ZAN: variants seen among roughly 807,000 people sequenced by gnomAD.
ZAN encodes zonadhesin, also known as zonadhesin (gene/pseudogene).
Under a neutral mutation model 286.2 loss-of-function variants are expected in ZAN, and 260 were observed. That is an observed-to-expected ratio of 0.91 (90% CI 0.82 to 1.01). The LOEUF is 1.01. Ranked by LOEUF, ZAN falls within the 50% of genes least tolerant of loss-of-function variation. The pLI is 0.00. For synonymous variants in ZAN, 1,368 were observed against 1,417.5 expected, an observed-to-expected ratio of 0.97 and a Z score of 0.79; for missense variants, 3,410 against 3,639.2, an observed-to-expected ratio of 0.94 and a Z score of 1.62.
At chr7:100,785,055 G>A (rs975771653) in intron 36 of ZAN, among the ~76,000 whole-genome samples, 6 of 152,076 alleles carry the variant, frequency 3.9e-5, no homozygotes, top group African/African-American at 7.2e-5. Context: ...ACATGGCATG[G>A]TATAGTGGAA....
intron 1 of ZAN, among the ~76,000 whole-genome samples, 163 bp downstream of exon 1, chr7:100,733,811 T>C (rs1289094721): frequency 1.4e-5 from 2 of 141,730 alleles, no homozygotes; most frequent in East Asian, 4.0e-4. Flanking sequence ...TTCTTGTGCG[T>C]TTTTCTTTTT....
Position 100,758,274 on chromosome 7 carries a change from C to CA in ZAN, c.3383dup (p.Ile1129AspfsTer13). ...CTGGCCCGGCAGTCGGGTCGAGTGC[C>CA]AGATCTCTCAGTGTGGGACACACAC... On this transcript the variant is annotated frameshift_variant, in exon 16 of 48. Coordinates refer to ENST00000613979, the MANE Select transcript of ZAN (RefSeq NM_003386.3). LOFTEE classifies it high-confidence loss of function. 6.2e-7 allele frequency: 1 copy of CA among 1,613,394 alleles called. No individual in the cohort carries two copies. The highest frequency in any genetic ancestry group is 8.5e-7 in the Non-Finnish European group (1 of 1,179,886).
intron 24 of ZAN, 58 bp from the exon 25 acceptor site, chr7:100,766,952 G>A: frequency 1.9e-6 from 3 of 1,598,468 alleles, no homozygotes; most frequent in Non-Finnish European, 2.6e-6. Context: ...GCAGCTCTGA[G>A]TCAAAGCTTC....
In ZAN at chr7:100,773,859, G is replaced by A. The variant is rs748119246; in HGVS notation, c.5773G>A (p.Ala1925Thr). ...WALDGLLHCRASGVGVCQLPG... is the reference protein window; with the variant it reads ...WALDGLLHCRTSGVGVCQLPG... ...CCTGGATGGGCTGCTCCATTGTCGG[G>A]CCTCAGGTAGGAGGACCACGGTGAT... The change falls in exon 31 of 48, where the codon GCC becomes ACC. Residue 1925 changes from alanine to threonine, a missense_variant. This residue lies in a region of ZAN where 1,289 missense variants were observed against 1,314.3 expected (regional missense o/e 0.98). Transcript: ENST00000613979. The A allele has an allele frequency of 6.4e-6, 10 of 1,561,888 alleles. No individual in the cohort carries two copies. Among genetic ancestry groups the A allele is most frequent in the Non-Finnish European group, 8.7e-6 (10 of 1,145,472 alleles).
chr7:100,766,351 C>T (rs531185068), intron 23 of ZAN, among the ~76,000 whole-genome samples, 174 bp from the exon 24 acceptor site: 6 of 152,260 alleles, frequency 3.9e-5, no homozygotes, highest in South Asian at 2.1e-4. Context: ...ACTGAAAAAA[C>T]GAATGGATGC....
rs193116345 is a variant in ZAN, at chr7:100,768,429, G to A, written c.5042-181G>A. Among the ~76,000 whole-genome samples, 23 of 152,192 alleles carry A rather than the reference G, an allele frequency of 1.5e-4. No homozygotes were observed. In the East Asian group the frequency reaches 2.5e-3, roughly 17 times the overall value. ...GGACGTTGCAGTGAGCTGAGATCGC[G>A]CCACTGCACTCCAGCCTGGGTGTCA... On this transcript the variant is annotated intron_variant, in intron 26 of 47. Coordinates refer to ENST00000613979, the MANE Select transcript of ZAN (RefSeq NM_003386.3).
chr7:100,765,317 C>A (rs764127290), intron 22 of ZAN, 35 bp from the exon 23 acceptor site: 3 of 1,605,354 alleles, frequency 1.9e-6, no homozygotes, highest in Non-Finnish European at 2.6e-6. Context: ...GTGGCTTGTT[C>A]GTCTCCTTCT....
rs1218324641 is a variant in ZAN, at chr7:100,748,196, C to A, written c.1083C>A (p.Thr361=). 1 of 1,613,896 alleles carries A rather than the reference C, an allele frequency of 6.2e-7. No homozygotes were observed. The highest frequency in any genetic ancestry group is 1.7e-5 in the Admixed American group (1 of 59,986). Residue 361 remains threonine (T), a synonymous_variant, in exon 10 of 48, where the codon ACC becomes ACA. Transcript: ENST00000613979. ...AGCCAGCTGTGGCAGTTGATGCAAC[C>A]AGCATTGCTCCTTGTGGGGGTGAGA... ...TPEPAVAVDA[T]SIAPCGEGFP... is the part of the protein sequence containing the mutation.
At position 100,793,971 on chromosome 7, in the gene ZAN, C is replaced by G; in HGVS notation, c.7939C>G (p.Pro2647Ala). Reference protein sequence around the residue: ...PRLCLQWHPEPPLADCGCTSN... With the variant: ...PRLCLQWHPEAPLADCGCTSN... ...GCTATGCCTACAGTGGCACCCAGAG[C>G]CTCCCCTGGCTGACTGTGGCTGCAC... The change falls in exon 43 of 48, where the codon CCT (proline) becomes GCT (alanine). Residue 2647 changes from proline (P) to alanine (A), a missense_variant. Physicochemically the swap from Pro to Ala is conservative, Grantham distance 27. Coordinates refer to ENST00000613979, the MANE Select transcript of ZAN (RefSeq NM_003386.3). 1 of 1,613,798 alleles carries G rather than the reference C, an allele frequency of 6.2e-7. No individual in the cohort carries two copies. Among genetic ancestry groups the G allele is most frequent in the Non-Finnish European group, 8.5e-7 (1 of 1,179,868 alleles).
intron 19 of ZAN, among the ~76,000 whole-genome samples, chr7:100,761,300 T>C (rs921651606): frequency 6.6e-6 from 1 of 152,106 alleles, no homozygotes; most frequent in African/African-American, 2.4e-5. Flanking sequence ...GGCCAGGAAT[T>C]CCAGACCAGC....
Position 100,763,793 on chromosome 7 carries a change from G to C in ZAN, c.3987-13G>C, listed in dbSNP as rs377438129. 3.1e-6 allele frequency: 5 copies of C among 1,612,378 alleles called. No homozygotes were observed. In the African/African-American group the frequency reaches 5.3e-5, roughly 17 times the overall value. On this transcript the variant is annotated splice_polypyrimidine_tract_variant and intron_variant, in intron 20 of 47. Coordinates refer to ENST00000613979, the MANE Select transcript of ZAN (RefSeq NM_003386.3). The surrounding 1 kb of genome is among the most constrained non-coding windows in gnomAD (Gnocchi z 4.6). ...GCTTTGTCTTTAGGGAGTTTGGGGT[G>C]GGTCTCTTGCAGGTGTCAGAAGTAC...
At chr7:100,749,675 T>TAC (rs1289308039) in intron 11 of ZAN, among the ~76,000 whole-genome samples, 1,959 of 130,310 alleles carry the variant, frequency 0.015, 30 homozygotes, top group East Asian at 0.031. Context: ...TATATATATA[T>TAC]ACACACACAC....
chr7:100,767,450 G>A (rs1810065549), intron 25 of ZAN, among the ~76,000 whole-genome samples, 193 bp downstream of exon 25: 1 of 139,928 alleles, frequency 7.1e-6, no homozygotes, highest in Admixed American at 7.4e-5. Context: ...AGCCCCTCCT[G>A]CTCCCAGTTT....
In ZAN at chr7:100,766,575, A is replaced by G; in HGVS notation, c.4521A>G (p.Glu1507=). 6.4e-7 allele frequency: 1 copy of G among 1,552,352 alleles called. No homozygotes were observed. Among genetic ancestry groups the G allele is most frequent in the Non-Finnish European group, 8.7e-7 (1 of 1,147,358 alleles). ...GCTGCAAAGAGTTGTGCGTCTGTGAAAGCAACAACAGAATTCGCTGCCAGC... is the reference window on the plus strand; with the variant it reads ...GCTGCAAAGAGTTGTGCGTCTGTGAGAGCAACAACAGAATTCGCTGCCAGC... ...KPGCKELCVC[E]SNNRIRCQPW... is the part of the protein sequence containing the mutation. The change falls in exon 24 of 48, where the codon GAA becomes GAG. Residue 1507 remains glutamate, a synonymous_variant. Transcript: ENST00000613979.
At chr7:100,789,880 G>C (rs1811822607) in intron 39 of ZAN, among the ~76,000 whole-genome samples, 1 of 152,124 alleles carries the variant, frequency 6.6e-6, no homozygotes, top group Non-Finnish European at 1.5e-5. Context: ...GGGAGGCGGA[G>C]GTTGCAGTGA....
At chr7:100,748,973 T>C (rs1438890576) in intron 11 of ZAN, among the ~76,000 whole-genome samples, 1 of 152,114 alleles carries the variant, frequency 6.6e-6, no homozygotes, top group Non-Finnish European at 1.5e-5. Flanking sequence ...AAGTCAAGGC[T>C]GCAGTGAGCT....
rs974439732 is a variant in ZAN at position 100,767,015 on chromosome 7, G to A, written c.4618G>A (p.Ala1540Thr). The change falls in exon 25 of 48, where the codon GCC (alanine) becomes ACC (threonine). Residue 1540 changes from alanine to threonine, a missense_variant. Coordinates refer to ENST00000613979, the MANE Select transcript of ZAN (RefSeq NM_003386.3). ...CTCCATCTTCTTCTCCACAGGTGCC[G>A]CCACCTGCACAGCCTCGGGTGACCC... ...GIYGCHAQGA[A>T]TCTASGDPHY... 33 of 1,613,580 alleles carry A rather than the reference G, an allele frequency of 2.0e-5. No individual in the cohort carries two copies. The highest frequency in any genetic ancestry group is 1.1e-4 in the East Asian group (5 of 44,888).
chr7:100,776,888 GCGCCCGGC>G (rs1810854912), intron 34 of ZAN, among the ~76,000 whole-genome samples: 3 of 136,460 alleles, frequency 2.2e-5, no homozygotes, highest in African/African-American at 8.2e-5. Context: ...GCCCGCCACC[GCGCCCGGC>G]TAATTTTTTG....
At chr7:100,739,689 G>C (rs538868343) in intron 7 of ZAN, among the ~76,000 whole-genome samples, 1 of 137,240 alleles carries the variant, frequency 7.3e-6, no homozygotes, top group Non-Finnish European at 1.6e-5. Context: ...ACAGAGTCTC[G>C]CCCTGTCTCC....
Sources: allele counts gnomAD v4.1 joint callset (sites outside exome capture counted in the v4.1 genomes callset), GRCh38; gene constraint gnomAD v4.1.1; regional missense constraint gnomAD v4.1.1; non-coding constraint Gnocchi (gnomAD v3.1); transcripts MANE v1.5; gene names NCBI Gene and HGNC (gene_info 2026-07-23, HGNC 2026-07-21).